Variants in MAP4K4 observed in about 807,000 individuals in gnomAD.
MAP4K4 encodes HPK/GCK-like kinase HGK.
A neutral mutation model predicts 189.6 loss-of-function variants in MAP4K4; 38 were observed. That is an observed-to-expected ratio of 0.20 (90% CI 0.15 to 0.26). The LOEUF (loss-of-function observed/expected upper bound fraction) is 0.26, where lower values mean the gene tolerates loss of function less well. MAP4K4 is among the 10% of genes least tolerant of loss of function. The pLI is 1.00. For synonymous variants in MAP4K4, 610 were observed against 624.3 expected (o/e 0.98, Z 0.34); for missense variants, 1,054 against 1,726.9 (o/e 0.61, Z 6.91).
chr2:101,797,446 C>CCTTATCTT (rs1274521581), intron 3 of MAP4K4: 7 of 1,236,360 alleles, frequency 5.7e-6, no homozygotes, highest in Non-Finnish European at 6.4e-6. Flanking sequence ...CCCCCTCCCT[C>CCTTATCTT]CTTATCTTCT....
chr2:101,868,098 G>C (rs2097869395), intron 21 of MAP4K4, 61 bp downstream of exon 21: 2 of 1,583,988 alleles, frequency 1.3e-6, no homozygotes, highest in African/African-American at 1.3e-5. Context: ...TGTCAGCTCA[G>C]CTTGTATTCG....
chr2:101,860,671 A>C (rs1576939138), intron 15 of MAP4K4, 154 bp from the exon 16 acceptor site: 3 of 624,978 alleles, frequency 4.8e-6, no homozygotes, highest in South Asian at 4.2e-5. Flanking sequence ...GCACTGCTTT[A>C]TGTACCTTCT....
chr2:101,802,936 C>T (rs1351650664), intron 3 of MAP4K4, among the ~76,000 whole-genome samples: 2 of 152,150 alleles, frequency 1.3e-5, no homozygotes, highest in Non-Finnish European at 2.9e-5. Context: ...CAGGCGTCTG[C>T]CACCATGCCC....
intron 3 of MAP4K4, among the ~76,000 whole-genome samples, chr2:101,791,829 A>G (rs927349251): frequency 5.3e-5 from 8 of 152,230 alleles, no homozygotes; most frequent in Non-Finnish European, 1.2e-4. Context: ...AGAGCCTTCC[A>G]TAAGTATTTG....
At chr2:101,720,059 GTTTGAAGCT>G (rs2050840451) in intron 2 of MAP4K4, among the ~76,000 whole-genome samples, 1 of 151,992 alleles carries the variant, frequency 6.6e-6, no homozygotes, top group African/African-American at 2.4e-5. Context: ...GGTAGAAAGA[GTTTGAAGCT>G]TTAAAATGCT....
chr2:101,785,100 G>A (rs916363648), intron 2 of MAP4K4, among the ~76,000 whole-genome samples: 2 of 152,176 alleles, frequency 1.3e-5, no homozygotes, highest in Non-Finnish European at 2.9e-5. Context: ...GATGCTGTGT[G>A]TGTGCACCCC....
intron 2 of MAP4K4, among the ~76,000 whole-genome samples, chr2:101,717,668 G>A (rs1013942015): frequency 1.3e-5 from 2 of 152,188 alleles, no homozygotes; most frequent in Non-Finnish European, 2.9e-5. Context: ...CAGTGCGCAA[G>A]CCATTTGTTT....
At chr2:101,818,612 A>G (rs931037535) in intron 3 of MAP4K4, among the ~76,000 whole-genome samples, 1 of 152,218 alleles carries the variant, frequency 6.6e-6, no homozygotes. Flanking sequence ...AAAACAAACA[A>G]CAAAACACTC....
In MAP4K4 at chr2:101,840,485, A is replaced by G. The variant is rs558513572; in HGVS notation, c.949+491A>G. 2.0e-3 allele frequency among the ~76,000 whole-genome samples: 304 copies of G among 152,306 alleles called. 4 individuals are homozygous for G. Among genetic ancestry groups the G allele is most frequent in the Admixed American group, 0.019 (285 of 15,302 alleles). ...TGCTTTAAGTAGCATGCATAACACAAGCATGCTGTTGTGCTAAATAATGAA... is the reference window on the plus strand; with the variant it reads ...TGCTTTAAGTAGCATGCATAACACAGGCATGCTGTTGTGCTAAATAATGAA... On this transcript the variant is annotated intron_variant, in intron 10 of 32. Transcript: ENST00000324219.
intron 2 of MAP4K4, among the ~76,000 whole-genome samples, chr2:101,768,576 A>G (rs1476347430): frequency 1.3e-5 from 2 of 152,206 alleles, no homozygotes; most frequent in East Asian, 1.9e-4. Flanking sequence ...CCTTAAGACA[A>G]TGTAGTAATA....
intron 3 of MAP4K4, among the ~76,000 whole-genome samples, chr2:101,806,919 C>T (rs138588154): frequency 2.6e-5 from 4 of 152,252 alleles, no homozygotes; most frequent in East Asian, 1.9e-4. Context: ...TTTGGAACTA[C>T]GGTTAAAGCA....
chr2:101,844,278 G>C, exon 12 of MAP4K4: 1 of 1,568,828 alleles, frequency 6.4e-7, no homozygotes, highest in Non-Finnish European at 8.6e-7. Context: ...AGCGGATTGA[G>C]CAGCAGAAAG....
intron 2 of MAP4K4, among the ~76,000 whole-genome samples, chr2:101,763,657 C>T (rs1412766018): frequency 6.6e-6 from 1 of 152,172 alleles, no homozygotes; most frequent in Admixed American, 6.5e-5. Flanking sequence ...AGTGCTGGCA[C>T]AGAAGGCCCT....
chr2:101,698,588 T>C lies in MAP4K4; in HGVS notation c.123+50T>C, dbSNP rs374364261. On this transcript the variant is annotated intron_variant, in intron 2 of 32. Transcript: ENST00000324219. ...TCCCGTGGCATGTGGAAACTTCTTA[T>C]TGGGGGACGAGGAGAGGGTGATAAA... 2.4e-5 allele frequency: 38 copies of C among 1,564,308 alleles called. No individual in the cohort carries two copies. The African/African-American group carries it at 3.5e-4, about 15-fold the overall frequency.
chr2:101,858,188 C>A (rs1005875704), intron 13 of MAP4K4, among the ~76,000 whole-genome samples: 5 of 152,158 alleles, frequency 3.3e-5, no homozygotes, highest in African/African-American at 1.2e-4. Context: ...TAGAGCCAGT[C>A]CTCAGTGGAA....
chr2:101,883,088 C>A (rs187911718), intron 28 of MAP4K4, among the ~76,000 whole-genome samples: 8 of 152,284 alleles, frequency 5.3e-5, no homozygotes, highest in African/African-American at 1.9e-4. Flanking sequence ...TTTTTACATG[C>A]CAGGCTTATT....
intron 3 of MAP4K4, among the ~76,000 whole-genome samples, chr2:101,798,355 A>C (rs1350216023): frequency 6.6e-6 from 1 of 152,188 alleles, no homozygotes; most frequent in Non-Finnish European, 1.5e-5. Context: ...CCCATTGAGA[A>C]CACTTGGTGT....
intron 13 of MAP4K4, among the ~76,000 whole-genome samples, chr2:101,858,493 G>C (rs1035448929): frequency 6.6e-6 from 1 of 152,164 alleles, no homozygotes; most frequent in African/African-American, 2.4e-5. Context: ...GTCATTCCAG[G>C]TGCCTTTGGA....
intron 3 of MAP4K4, among the ~76,000 whole-genome samples, chr2:101,796,524 T>G (rs1394102206): frequency 3.9e-5 from 6 of 152,216 alleles, no homozygotes; most frequent in African/African-American, 9.6e-5. Flanking sequence ...GATTCCCTAC[T>G]TACTGTACTT....
Sources: gnomAD v4.1 joint callset for allele counts (sites outside exome capture counted in the v4.1 genomes callset) on GRCh38, gnomAD v4.1.1 for gene constraint, MANE v1.5 for transcripts, NCBI Gene and HGNC (gene_info 2026-07-23, HGNC 2026-07-21) for gene names.